CATSPERT: variants seen among roughly 807,000 people sequenced by gnomAD.
CATSPERT encodes the protein cation channel sperm-associated targeting subunit tau.
At chr2:201,598,906 A>G in the CATSPERT span, among the ~76,000 whole-genome samples, 1 of 152,076 alleles carries the variant, frequency 6.6e-6, no homozygotes, top group African/African-American at 2.4e-5. Context: ...TAATTCTCAC[A>G]CACATTTCCC....
At chr2:201,565,705 A>AATT in the CATSPERT span, 1 of 1,344,888 alleles carries the variant, frequency 7.4e-7, no homozygotes, top group Non-Finnish European at 9.7e-7. Context: ...GCTCTTTTGA[A>AATT]TTTTTTTTTT....
At chr2:201,507,954 G>A in the CATSPERT span, among the ~76,000 whole-genome samples, 1 of 152,164 alleles carries the variant, frequency 6.6e-6, no homozygotes, top group Non-Finnish European at 1.5e-5. Flanking sequence ...CAAGGGGGAA[G>A]TCCACCGCCA....
At chr2:201,491,492 A>G in the CATSPERT span, 2 of 1,536,216 alleles carry the variant, frequency 1.3e-6, no homozygotes, top group South Asian at 1.2e-5. Context: ...TCTTTTTTGT[A>G]TTGTGCAAAT....
chr2:201,579,018 GTGTGTATAGATA>G, the CATSPERT span, among the ~76,000 whole-genome samples: 2 of 152,002 alleles, frequency 1.3e-5, no homozygotes, highest in African/African-American at 2.4e-5. Context: ...AAATCTCTGT[GTGTGTATAGATA>G]TGTTTGCTGA....
At chr2:201,539,171 GGTATATACCCA>G in the CATSPERT span, among the ~76,000 whole-genome samples, 1 of 151,936 alleles carries the variant, frequency 6.6e-6, no homozygotes, top group Non-Finnish European at 1.5e-5. Context: ...TATTCCTTTG[GGTATATACCCA>G]GTAATGGGAT....
the CATSPERT span, among the ~76,000 whole-genome samples, chr2:201,609,157 A>G: frequency 6.6e-6 from 1 of 152,208 alleles, no homozygotes; most frequent in Non-Finnish European, 1.5e-5. Flanking sequence ...AATTCTAAAT[A>G]TATTATGTAC....
chr2:201,511,871 A>AC, the CATSPERT span: 5 of 130,624 alleles, frequency 3.8e-5, no homozygotes, highest in Middle Eastern at 3.6e-3. Flanking sequence ...AAAAAAAAAA[A>AC]AACTCTTCTT....
At chr2:201,532,490 G>A in the CATSPERT span, among the ~76,000 whole-genome samples, 95 of 152,178 alleles carry the variant, frequency 6.2e-4, 1 homozygote, top group African/African-American at 2.3e-3. Context: ...TTACATATAT[G>A]CTCTTGGAGT....
the CATSPERT span, among the ~76,000 whole-genome samples, chr2:201,529,363 T>C: frequency 6.6e-6 from 1 of 152,082 alleles, no homozygotes. Context: ...TATAAAGCTA[T>C]TGTAATAAAA....
chr2:201,572,238 T>G, the CATSPERT span, among the ~76,000 whole-genome samples: 1 of 152,344 alleles, frequency 6.6e-6, no homozygotes, highest in East Asian at 1.9e-4. Context: ...ATTATACTTT[T>G]AATCTTATTT....
chr2:201,568,660 G>A, the CATSPERT span, among the ~76,000 whole-genome samples: 1 of 152,178 alleles, frequency 6.6e-6, no homozygotes, highest in Non-Finnish European at 1.5e-5. Flanking sequence ...AAATGGAGAT[G>A]TGGTAGGAAT....
the CATSPERT span, chr2:201,545,508 A>C: frequency 7.9e-7 from 1 of 1,271,216 alleles, no homozygotes; most frequent in African/African-American, 1.5e-5. Flanking sequence ...GATTTCAATT[A>C]TCTTAATAAT....
the CATSPERT span, chr2:201,494,510 G>A: frequency 6.5e-7 from 1 of 1,536,602 alleles, no homozygotes; most frequent in Non-Finnish European, 8.7e-7. Context: ...GTAGGATCAG[G>A]GGCTAACTTA....
the CATSPERT span, chr2:201,603,146 A>G: frequency 7.4e-7 from 1 of 1,355,752 alleles, no homozygotes; most frequent in Non-Finnish European, 1.0e-6. Context: ...AAGTTTTGGA[A>G]TGGTTTGTAA....
the CATSPERT span, among the ~76,000 whole-genome samples, chr2:201,488,504 C>A: frequency 1.3e-5 from 2 of 152,044 alleles, no homozygotes; most frequent in Non-Finnish European, 2.9e-5. Context: ...ACAAGTAAAA[C>A]ATTTGGTAAA....
At chr2:201,534,059 T>C in the CATSPERT span, among the ~76,000 whole-genome samples, 1 of 151,452 alleles carries the variant, frequency 6.6e-6, no homozygotes, top group Admixed American at 6.6e-5. Flanking sequence ...TATCTATCTA[T>C]CTATCTATCT....
At chr2:201,579,681 G>A in the CATSPERT span, among the ~76,000 whole-genome samples, 1 of 150,438 alleles carries the variant, frequency 6.6e-6, no homozygotes, top group Non-Finnish European at 1.5e-5. Context: ...GGTGCGTTTT[G>A]GTTTTTTTTT....
At chr2:201,545,624 A>G in the CATSPERT span, 1 of 596,556 alleles carries the variant, frequency 1.7e-6, no homozygotes, top group African/African-American at 2.3e-5. Context: ...TTAGTTTCCT[A>G]GAAGCAAAAA....
At chr2:201,488,005 A>T in the CATSPERT span, 1 of 961,754 alleles carries the variant, frequency 1.0e-6, no homozygotes, top group Non-Finnish European at 1.5e-6. Context: ...GAAAAAAGAA[A>T]AACAAACAAG....
Sources: allele counts gnomAD v4.1 joint callset (sites outside exome capture counted in the v4.1 genomes callset), GRCh38; gene constraint gnomAD v4.1.1; transcripts MANE v1.5; gene names NCBI Gene and HGNC (gene_info 2026-07-23, HGNC 2026-07-21).